Variants in DIS3L2 observed in about 807,000 individuals in gnomAD.
DIS3L2 encodes the protein DIS3 like 3'-5' exoribonuclease 2.
A neutral mutation model predicts 97.5 loss-of-function variants in DIS3L2; 34 were observed. The observed-to-expected ratio is 0.35, with a 90% CI of 0.27 to 0.46. The LOEUF is 0.46. Among genes scored for constraint, DIS3L2 ranks in the 20% least tolerant of loss-of-function variants. The pLI is 1.00. For missense variants in DIS3L2, 1,038 were observed against 1,146.0 expected, an observed-to-expected ratio of 0.91 and a Z score of 1.36; for synonymous variants, 435 against 445.2, an observed-to-expected ratio of 0.98 and a Z score of 0.29.
chr2:232,038,559 A>C (rs1230803364), intron 5 of DIS3L2, among the ~76,000 whole-genome samples: 1 of 152,136 alleles, frequency 6.6e-6, no homozygotes, highest in African/African-American at 2.4e-5. Flanking sequence ...GACCCAGGCA[A>C]GAGATGGCCA....
intron 6 of DIS3L2, among the ~76,000 whole-genome samples, chr2:232,130,031 T>A (rs1698174020): frequency 6.6e-6 from 1 of 152,180 alleles, no homozygotes; most frequent in Non-Finnish European, 1.5e-5. Context: ...GTTTTGTAAG[T>A]TTTTTAAGAA....
chr2:232,270,892 C>G (rs398044169), intron 13 of DIS3L2, among the ~76,000 whole-genome samples: 4 of 148,044 alleles, frequency 2.7e-5, no homozygotes, highest in African/African-American at 1.0e-4. Context: ...CTCTCTCTCT[C>G]TCTCTCTCTC....
At chr2:232,226,097 G>T (rs1692639790) in intron 10 of DIS3L2, among the ~76,000 whole-genome samples, 3 of 152,200 alleles carry the variant, frequency 2.0e-5, no homozygotes, top group Non-Finnish European at 2.9e-5. Context: ...AAAATTTATT[G>T]TAGTTGTGGT....
At chr2:232,333,176 GCCTCCTCCTCCTCCTCCTCCTCCT>G (rs1166373912) in intron 16 of DIS3L2, among the ~76,000 whole-genome samples, 21 of 26,184 alleles carry the variant, frequency 8.0e-4, no homozygotes, top group South Asian at 3.2e-3. Flanking sequence ...CTCCGCTGTC[GCCTCCTCCTCCTCCTCCTCCTCCT>G]CCTCCTCCTC....
chr2:232,052,147 C>G, intron 5 of DIS3L2, among the ~76,000 whole-genome samples: 1 of 151,920 alleles, frequency 6.6e-6, no homozygotes, highest in South Asian at 2.1e-4. Flanking sequence ...CTCAGCCTCC[C>G]AAGTAGCTGG....
intron 12 of DIS3L2, among the ~76,000 whole-genome samples, chr2:232,254,196 CA>C (rs1459613919): frequency 1.3e-5 from 2 of 152,028 alleles, no homozygotes; most frequent in African/African-American, 4.8e-5. Context: ...GAATTGGGAT[CA>C]AAACAAGTTA....
chr2:232,148,836 T>A (rs1220474720), intron 8 of DIS3L2, among the ~76,000 whole-genome samples: 1 of 148,284 alleles, frequency 6.7e-6, no homozygotes, highest in African/African-American at 2.5e-5. Context: ...TTTCTTTCCT[T>A]TGTAGCCATT....
chr2:232,197,842 CCTAG>C (rs990817072), intron 9 of DIS3L2, among the ~76,000 whole-genome samples: 1 of 151,780 alleles, frequency 6.6e-6, no homozygotes, highest in African/African-American at 2.4e-5. Flanking sequence ...GGCACGTGCT[CCTAG>C]CTACTTGGCA....
intron 6 of DIS3L2, among the ~76,000 whole-genome samples, chr2:232,116,940 C>G (rs1032637530): frequency 6.6e-6 from 1 of 152,222 alleles, no homozygotes; most frequent in African/African-American, 2.4e-5. Flanking sequence ...CGCTTCATAG[C>G]TTTTGTCTAG....
chr2:232,259,598 A>G (rs1382429323), intron 12 of DIS3L2, among the ~76,000 whole-genome samples: 3 of 151,960 alleles, frequency 2.0e-5, no homozygotes, highest in Non-Finnish European at 4.4e-5. Flanking sequence ...GAGGGCCTGG[A>G]GCATTCACTA....
At chr2:232,258,325 C>G (rs1241079585) in intron 12 of DIS3L2, among the ~76,000 whole-genome samples, 2 of 152,196 alleles carry the variant, frequency 1.3e-5, no homozygotes, top group African/African-American at 4.8e-5. Flanking sequence ...TGGCTCATGC[C>G]TGTAATCCCA....
intron 6 of DIS3L2, among the ~76,000 whole-genome samples, chr2:232,088,775 C>A (rs1335425936): frequency 6.6e-6 from 1 of 152,122 alleles, no homozygotes; most frequent in African/African-American, 2.4e-5. Context: ...TACCTGACCA[C>A]ACTTGAAGAG....
chr2:231,986,172 T>C (rs1406100260), intron 1 of DIS3L2, among the ~76,000 whole-genome samples: 1 of 152,224 alleles, frequency 6.6e-6, no homozygotes, highest in Non-Finnish European at 1.5e-5. Flanking sequence ...GCTTCCCTAC[T>C]TTTGAGGCTT....
chr2:232,260,863 TC>T (rs1454340407), intron 12 of DIS3L2, among the ~76,000 whole-genome samples: 2 of 152,154 alleles, frequency 1.3e-5, no homozygotes, highest in African/African-American at 4.8e-5. Flanking sequence ...GCTCAGTCCT[TC>T]CCCATGGGGA....
chr2:232,216,247 A>G (rs1574951011), intron 10 of DIS3L2, among the ~76,000 whole-genome samples: 1 of 152,222 alleles, frequency 6.6e-6, no homozygotes, highest in Admixed American at 6.5e-5. Flanking sequence ...TTCACTAAGC[A>G]TCTCTACAGC....
At chr2:231,974,579 G>A (rs1248142831) in intron 1 of DIS3L2, among the ~76,000 whole-genome samples, 7 of 146,308 alleles carry the variant, frequency 4.8e-5, no homozygotes, top group Non-Finnish European at 1.0e-4. Context: ...TCTTAACATA[G>A]CCAGTCTTTA....
At chr2:232,016,964 C>T (rs1360140074) in intron 3 of DIS3L2, among the ~76,000 whole-genome samples, 1 of 129,198 alleles carries the variant, frequency 7.7e-6, no homozygotes, top group Non-Finnish European at 1.6e-5. Context: ...CTTCACCTTT[C>T]TTTACCTTTC....
intron 8 of DIS3L2, among the ~76,000 whole-genome samples, chr2:232,161,874 G>C (rs1055023031): frequency 1.3e-5 from 2 of 151,978 alleles, no homozygotes; most frequent in African/African-American, 4.8e-5. Flanking sequence ...TCTGGTTCAA[G>C]GGATTCTCCT....
chr2:232,136,334 A>G (rs1188907159), intron 7 of DIS3L2, 138 bp from the exon 8 acceptor site: 4 of 1,042,262 alleles, frequency 3.8e-6, no homozygotes, highest in African/African-American at 3.2e-5. Flanking sequence ...GTCACAGATC[A>G]TCACTGAGAG....
Sources: allele counts gnomAD v4.1 joint callset (sites outside exome capture counted in the v4.1 genomes callset), GRCh38; gene constraint gnomAD v4.1.1; transcripts MANE v1.5; gene names NCBI Gene and HGNC (gene_info 2026-07-23, HGNC 2026-07-21).